TAB3: variants seen among roughly 807,000 people sequenced by gnomAD.
The protein encoded by TAB3 is TGF-beta-activated kinase 1 and MAP3K7-binding protein 3.
A neutral mutation model predicts 48.1 loss-of-function variants in TAB3; 18 were observed. The ratio of observed to expected loss-of-function variants is 0.37; its 90% confidence interval spans 0.26 to 0.55. The LOEUF is 0.55. Among genes scored for constraint, TAB3 ranks in the 20% least tolerant of loss-of-function variants. TAB3 has a pLI of 0.78. For missense variants in TAB3, 414 were observed against 549.8 expected, an observed-to-expected ratio of 0.75 and a Z score of 2.47; for synonymous variants, 185 against 190.2, an observed-to-expected ratio of 0.97 and a Z score of 0.22.
intron 5 of TAB3, among the ~76,000 whole-genome samples, 172 bp from the exon 6 acceptor site, chrX:30,855,734 G>A (rs957745910): frequency 1.8e-5 from 2 of 111,835 alleles, no homozygotes; most frequent in East Asian, 5.6e-4. Flanking sequence ...AGACCCAAAC[G>A]ATTCATATTA....
intron 9 of TAB3, among the ~76,000 whole-genome samples, chrX:30,841,470 G>A (rs747448391): frequency 7.8e-4 from 85 of 108,681 alleles, no homozygotes; most frequent in African/African-American, 2.7e-3. Flanking sequence ...ATGAAACATC[G>A]ATGGTAATAT....
At position 30,841,808 on chromosome X, in the gene TAB3, CTTAT is replaced by C. The variant is rs1938453418; in HGVS notation, c.1888+1154_1888+1157del. Among the ~76,000 whole-genome samples, 8 of 112,297 alleles carry C rather than the reference CTTAT, an allele frequency of 7.1e-5. No homozygotes were observed. In the Admixed American group the frequency reaches 7.5e-4, roughly 11 times the overall value. ...AAAGTTAATCTACATTCAATGACTA[CTTAT>C]TTATGAATGAATGAATAAATGACAG... is the stretch of plus-strand genomic sequence containing the variant. On this transcript the variant is annotated intron_variant, in intron 9 of 10. Coordinates refer to ENST00000288422, the MANE Select transcript of TAB3 (RefSeq NM_152787.5).
At position 30,843,036 on chromosome X, in the gene TAB3, T is replaced by G; in HGVS notation, c.1818A>C (p.Pro606=). The change falls in exon 9 of 11, where the codon CCA becomes CCC. Residue 606 remains proline (P), a synonymous_variant. Coordinates refer to ENST00000288422, the MANE Select transcript of TAB3 (RefSeq NM_152787.5). Reference sequence around the variant, plus strand: ...TGTCATAAAAATTATTCATGGCTTTTGGATCAAAGTTTCCTATAAAGAAAG... The same window carrying G: ...TGTCATAAAAATTATTCATGGCTTTGGGATCAAAGTTTCCTATAAAGAAAG... ...DLLQSRGNFD[P]KAMNNFYDNI... is the part of the protein sequence containing the mutation. 1 of 1,150,496 alleles carries G rather than the reference T, an allele frequency of 8.7e-7. No homozygotes were observed. Among genetic ancestry groups the G allele is most frequent in the Non-Finnish European group, 1.2e-6 (1 of 851,228 alleles). The allele number at this position is 1,150,496 out of a possible 1,213,427, so 94.8% of individuals were successfully genotyped here.
chrX:30,888,783 T>G (rs1569231821), intron 1 of TAB3, among the ~76,000 whole-genome samples: 9 of 112,557 alleles, frequency 8.0e-5, no homozygotes, highest in Non-Finnish European at 1.9e-5. Flanking sequence ...AGGCTCACTC[T>G]CCGCAATGCC....
chrX:30,844,695 A>T (rs1938564530), intron 8 of TAB3: 1 of 112,625 alleles, frequency 8.9e-6, no homozygotes, highest in African/African-American at 3.2e-5. Flanking sequence ...CTATAGAGTG[A>T]CTAGGCTTCT....
chrX:30,884,050 AT>A (rs1940064829), intron 1 of TAB3, among the ~76,000 whole-genome samples: 1 of 111,737 alleles, frequency 8.9e-6, no homozygotes, highest in Admixed American at 9.5e-5. Flanking sequence ...ACTGAAAAAA[AT>A]AAGCTTAATA....
chrX:30,881,107 G>A (rs1383629962), intron 1 of TAB3, among the ~76,000 whole-genome samples: 1 of 111,157 alleles, frequency 9.0e-6, no homozygotes, highest in Admixed American at 9.6e-5. Flanking sequence ...TCAAATTCAC[G>A]ATGTTGCATA....
chrX:30,849,708 C>T (rs577859514), intron 7 of TAB3, among the ~76,000 whole-genome samples: 5 of 112,319 alleles, frequency 4.5e-5, no homozygotes, highest in African/African-American at 1.6e-4. Context: ...AATTCTGACT[C>T]CCAAGCCTAT....
intron 9 of TAB3, among the ~76,000 whole-genome samples, chrX:30,838,708 GT>G (rs1227627275): frequency 8.9e-6 from 1 of 111,780 alleles, no homozygotes; most frequent in African/African-American, 3.3e-5. Context: ...TTTTGACAAT[GT>G]TTTATAGTTT....
chrX:30,862,156 T>C (rs1482329666), intron 4 of TAB3, among the ~76,000 whole-genome samples: 2 of 111,803 alleles, frequency 1.8e-5, no homozygotes, highest in Non-Finnish European at 3.8e-5. Context: ...TTAGGAGAAA[T>C]GGGGAGAAAA....
intron 4 of TAB3, among the ~76,000 whole-genome samples, chrX:30,865,283 G>C (rs1010617254): frequency 1.8e-5 from 2 of 112,310 alleles, no homozygotes; most frequent in Non-Finnish European, 3.8e-5. Context: ...GCCACTGCTA[G>C]CATATTAAGG....
chrX:30,867,795 A>G (rs1251154835), intron 2 of TAB3, among the ~76,000 whole-genome samples: 1 of 111,622 alleles, frequency 9.0e-6, no homozygotes, highest in African/African-American at 3.3e-5. Context: ...AGAAGTTCAA[A>G]AAGAAAAACA....
intron 2 of TAB3, among the ~76,000 whole-genome samples, chrX:30,868,037 T>C (rs1260919472): frequency 1.9e-5 from 2 of 105,053 alleles, no homozygotes; most frequent in African/African-American, 6.9e-5. Context: ...GCTGGGACTA[T>C]AGGTGTGCAC....
At chrX:30,875,306 T>C (rs1279955171) in intron 1 of TAB3, among the ~76,000 whole-genome samples, 1 of 112,029 alleles carries the variant, frequency 8.9e-6, no homozygotes, top group Non-Finnish European at 1.9e-5. Flanking sequence ...TAGGCCCAGT[T>C]TCCTAATCCT....
chrX:30,847,265 T>C (rs1173290419), intron 7 of TAB3, among the ~76,000 whole-genome samples: 1 of 110,329 alleles, frequency 9.1e-6, no homozygotes, highest in African/African-American at 3.3e-5. Flanking sequence ...TTTTTCTAGA[T>C]TGAAGGAGGC....
Position 30,848,651 on chromosome X carries a change from GAAA to G in TAB3, c.1711-2010_1711-2008del, listed in dbSNP as rs758964343. ...ATGGCTTCTGATTAAACTGAGGGGG[GAAA>G]AAAAGCAGTTTCTGAGAAATTACTG... On this transcript the variant is annotated intron_variant, in intron 7 of 10. Coordinates refer to ENST00000288422, the MANE Select transcript of TAB3 (RefSeq NM_152787.5). 5.4e-5 allele frequency among the ~76,000 whole-genome samples: 6 copies of G among 111,532 alleles called. No homozygotes were observed. The East Asian group carries it at 1.4e-3, about 26-fold the overall frequency.
In TAB3 at chrX:30,831,514, C is replaced by T. The variant is rs956040661; in HGVS notation, c.2052G>A (p.Gly684=). ...TGCAGCTATCACAATTCCATGGAGCCCCTTCGTAGTCTTCATCTCGAGGTT... is the reference window on the plus strand; with the variant it reads ...TGCAGCTATCACAATTCCATGGAGCTCCTTCGTAGTCTTCATCTCGAGGTT... The part of the protein sequence containing the change: ...RTQPRDEDYE[G]APWNCDSCTF... The change falls in exon 11 of 11, where the codon GGG becomes GGA. Residue 684 remains glycine, a synonymous_variant. Coordinates refer to ENST00000288422, the MANE Select transcript of TAB3 (RefSeq NM_152787.5). The T allele has an allele frequency of 8.3e-7, 1 of 1,209,069 alleles. No individual in the cohort carries two copies. Among genetic ancestry groups the T allele is most frequent in the African/African-American group, 1.8e-5 (1 of 56,996 alleles).
At chrX:30,878,493 C>T (rs1381325897) in intron 1 of TAB3, among the ~76,000 whole-genome samples, 3 of 67,713 alleles carry the variant, frequency 4.4e-5, no homozygotes, top group African/African-American at 1.8e-4. Flanking sequence ...CAGGGCAAGA[C>T]TCCATCTCAA....
intron 10 of TAB3, among the ~76,000 whole-genome samples, 156 bp from the exon 11 acceptor site, chrX:30,831,731 T>C (rs1938037987): frequency 8.9e-6 from 1 of 112,190 alleles, no homozygotes; most frequent in Admixed American, 9.5e-5. Context: ...CTACTGGAAA[T>C]GCATAGTTGA....
Sources: gnomAD v4.1 joint callset for allele counts (sites outside exome capture counted in the v4.1 genomes callset) on GRCh38, gnomAD v4.1.1 for gene constraint, MANE v1.5 for transcripts, NCBI Gene and HGNC (gene_info 2026-07-23, HGNC 2026-07-21) for gene names.